SMARCD3: variants seen among roughly 807,000 people sequenced by gnomAD.
SMARCD3 encodes the protein SWI/SNF related BAF chromatin remodeling complex subunit D3.
In SMARCD3, 14 loss-of-function variants were observed where a neutral mutation model predicts 58.0. That is an observed-to-expected ratio of 0.24 (90% confidence interval 0.16 to 0.38). The LOEUF is 0.38. Ranked by LOEUF, SMARCD3 falls within the 10% of genes least tolerant of loss-of-function variation. SMARCD3 has a pLI of 1.00. For synonymous variants in SMARCD3, 253 were observed against 253.8 expected (o/e 1.00, Z 0.03); for missense variants, 408 against 636.9 (o/e 0.64, Z 3.87).
At chr7:151,251,583 G>A (rs1051727419), upstream of SMARCD3, among the ~76,000 whole-genome samples, 1 of 152,178 alleles carries the variant, frequency 6.6e-6, no homozygotes, top group Non-Finnish European at 1.5e-5. Context: ...AACCCCAGAA[G>A]GGCGCTCGGT....
Position 151,248,334 on chromosome 7 carries a change from C to T in SMARCD3, c.78+151G>A. 1 of 656,130 alleles carries T rather than the reference C, an allele frequency of 1.5e-6. No homozygotes were observed. The highest frequency in any genetic ancestry group is 3.0e-5 in the East Asian group (1 of 33,534). 40.6% of individuals were successfully genotyped at this position (656,130 alleles called of 1,614,324 possible). On this transcript the variant is annotated intron_variant, in intron 1 of 12. Transcript: ENST00000262188. The surrounding 1 kb of genome is among the most constrained non-coding windows in gnomAD (Gnocchi z 6.1). ...GGCGACGTGTTCGGGTGCCAGGGCGCCAGCACAGTCCCGCGGCCGGGCCGT... is the reference window on the plus strand; with the variant it reads ...GGCGACGTGTTCGGGTGCCAGGGCGTCAGCACAGTCCCGCGGCCGGGCCGT...
chr7:151,255,747 T>G (rs941204138), intron 2 of SMARCD3, among the ~76,000 whole-genome samples: 1 of 152,102 alleles, frequency 6.6e-6, no homozygotes, highest in Non-Finnish European at 1.5e-5. Flanking sequence ...ATCCTGCGAC[T>G]CCTCTGGAAC....
intron 2 of SMARCD3, among the ~76,000 whole-genome samples, chr7:151,273,687 T>C (rs547798729): frequency 1.3e-5 from 2 of 152,228 alleles, no homozygotes; most frequent in Non-Finnish European, 2.9e-5. Flanking sequence ...GCCTTGACTT[T>C]CCTGCAGGTG....
At chr7:151,267,938 C>T (rs1795049695) in intron 2 of SMARCD3, among the ~76,000 whole-genome samples, 1 of 152,216 alleles carries the variant, frequency 6.6e-6, no homozygotes, top group Non-Finnish European at 1.5e-5. Context: ...GATCGCACCA[C>T]TGTACTCCAG....
upstream of SMARCD3, among the ~76,000 whole-genome samples, chr7:151,250,547 T>C (rs1803480533): frequency 6.6e-6 from 1 of 151,562 alleles, no homozygotes; most frequent in Admixed American, 6.6e-5. Context: ...CTGCCTTCCC[T>C]CTGCTTGTCC....
upstream of SMARCD3, among the ~76,000 whole-genome samples, chr7:151,251,913 G>C (rs961710179): frequency 6.8e-6 from 1 of 146,170 alleles, no homozygotes; most frequent in African/African-American, 2.5e-5. Flanking sequence ...GAGCTGGGGG[G>C]GCTCGGGCCG....
At chr7:151,254,133 C>T (rs1803623210) in intron 2 of SMARCD3, among the ~76,000 whole-genome samples, 1 of 152,208 alleles carries the variant, frequency 6.6e-6, no homozygotes, top group South Asian at 2.1e-4. Flanking sequence ...TCTGGCTCCA[C>T]TGGCCTCCTG....
In SMARCD3 at chr7:151,258,526, C is replaced by T. The variant is rs530645272; in HGVS notation, c.40-12855G>A. On this transcript the variant is annotated intron_variant, in intron 2 of 13. Transcript: ENST00000356800. ...GTTGCAGTGAGCCAAGATTTCGCCA[C>T]TGCACTCCAGCCTGGGCAACAGAGT... Among the ~76,000 whole-genome samples the T allele has an allele frequency of 2.3e-4, 33 of 146,270 alleles. No homozygotes were observed. In the South Asian group the frequency reaches 7.1e-3, roughly 32 times the overall value.
At chr7:151,269,424 G>A (rs890886337) in intron 2 of SMARCD3, among the ~76,000 whole-genome samples, 9 of 152,198 alleles carry the variant, frequency 5.9e-5, no homozygotes, top group Admixed American at 1.3e-4. Context: ...TCTCTCCTGC[G>A]CCCTGCTGGC....
chr7:151,248,695 G>C (rs957927418), upstream of SMARCD3: 2 of 1,398,426 alleles, frequency 1.4e-6, no homozygotes, highest in African/African-American at 1.5e-5. This position sits in a 1 kb window ranked among gnomAD's most constrained non-coding sequence, Gnocchi z 6.1. Context: ...CGAGCGGAGT[G>C]GGGAGGGGGC....
At chr7:151,256,500 G>A (rs1803703057) in intron 2 of SMARCD3, among the ~76,000 whole-genome samples, 1 of 152,038 alleles carries the variant, frequency 6.6e-6, no homozygotes, top group Non-Finnish European at 1.5e-5. Context: ...TCTCTTAAGA[G>A]GTAAATCCAG....
rs1802923128 is a variant in SMARCD3 at position 151,240,469 on chromosome 7, G to T, written c.993C>A (p.Ala331=). Residue 331 remains alanine, a synonymous_variant, in exon 9 of 13, where the codon GCC becomes GCA. Coordinates refer to ENST00000262188, the MANE Select transcript of SMARCD3 (RefSeq NM_001003801.2). ...CAATTGGGTCAGGGGGCAATAGCAG[G>T]GCTGTGAGGCGCTGGGGAATCTCAG... ...KFSEIPQRLT[A]LLLPPDPIVI... 6.2e-7 allele frequency: 1 copy of T among 1,613,842 alleles called. No homozygotes were observed. The highest frequency in any genetic ancestry group is 8.5e-7 in the Non-Finnish European group (1 of 1,179,996).
rs1225865555 is a variant in SMARCD3 at position 151,259,612 on chromosome 7, T to TGTTGTTG, written c.40-13942_40-13941insCAACAAC. Among the ~76,000 whole-genome samples, 71 of 114,374 alleles carry TGTTGTTG rather than the reference T, an allele frequency of 6.2e-4. 2 individuals are homozygous for TGTTGTTG. Among genetic ancestry groups the TGTTGTTG allele is most frequent in the Admixed American group, 1.9e-3 (24 of 12,448 alleles). 75.0% of individuals were successfully genotyped at this position (114,374 alleles called of 152,430 possible). On this transcript the variant is annotated intron_variant, in intron 2 of 13. Coordinates refer to the SMARCD3 transcript ENST00000356800. Reference sequence around the variant, plus strand: ...GTTACAACCTGAGAGTTTTTTTTTTTTTTTTTTTTTTTTTGAGACGGACTT... The same window carrying TGTTGTTG: ...GTTACAACCTGAGAGTTTTTTTTTTTGTTGTTGTTTTTTTTTTTTTTGAGACGGACTT...
intron 2 of SMARCD3, among the ~76,000 whole-genome samples, chr7:151,266,046 G>A (rs1045598315): frequency 2.6e-5 from 4 of 151,722 alleles, no homozygotes; most frequent in African/African-American, 4.8e-5. Flanking sequence ...CTCGGCTCAC[G>A]GCAATCTCCA....
chr7:151,275,400 G>A (rs1050406720), intron 1 of SMARCD3: 5 of 553,664 alleles, frequency 9.0e-6, no homozygotes, highest in African/African-American at 5.6e-5. Flanking sequence ...AACCAGCATG[G>A]GCCAGCTGGG....
intron 9 of SMARCD3, 84 bp downstream of exon 9, chr7:151,240,341 A>G (rs1394458227): frequency 3.1e-6 from 5 of 1,598,390 alleles, no homozygotes; most frequent in African/African-American, 1.3e-5. Flanking sequence ...GGGAGAAGAG[A>G]TGGGAGTGGG....
At chr7:151,254,768 C>T (rs1283992640) in intron 2 of SMARCD3, among the ~76,000 whole-genome samples, 6 of 152,306 alleles carry the variant, frequency 3.9e-5, no homozygotes, top group Non-Finnish European at 5.9e-5. Flanking sequence ...CCCCTCACCT[C>T]GGGAAGCTTC....
chr7:151,253,502 C>T (rs1264924820), upstream of SMARCD3, among the ~76,000 whole-genome samples: 4 of 152,252 alleles, frequency 2.6e-5, no homozygotes, highest in East Asian at 1.9e-4. Flanking sequence ...TCTTTGCCTG[C>T]GTGGGATTCC....
Position 151,242,417 on chromosome 7 carries a change from T to G in SMARCD3, c.579+64A>C. 1 of 1,595,900 alleles carries G rather than the reference T, an allele frequency of 6.3e-7. No homozygotes were observed. Among genetic ancestry groups the G allele is most frequent in the Non-Finnish European group, 8.5e-7 (1 of 1,169,626 alleles). On this transcript the variant is annotated intron_variant, in intron 5 of 12. Transcript: ENST00000262188. The surrounding 1 kb of genome is among the most constrained non-coding windows in gnomAD (Gnocchi z 4.7). Reference sequence around the variant, plus strand: ...CCTAGCCCTTAGTGCAGACACCTTGTTCTGTTCTCAGTGCAGCCCATGCCC... The same window carrying G: ...CCTAGCCCTTAGTGCAGACACCTTGGTCTGTTCTCAGTGCAGCCCATGCCC...
Sources: gnomAD v4.1 joint callset for allele counts (sites outside exome capture counted in the v4.1 genomes callset) on GRCh38, gnomAD v4.1.1 for gene constraint, Gnocchi (gnomAD v3.1) non-coding constraint, MANE v1.5 for transcripts, NCBI Gene and HGNC (gene_info 2026-07-23, HGNC 2026-07-21) for gene names.